Variants in SSBP3 observed in about 807,000 individuals in gnomAD.
SSBP3 encodes the protein single stranded DNA binding protein 3, also known as single-stranded DNA-binding protein 3.
A neutral mutation model predicts 69.6 loss-of-function variants in SSBP3; 5 were observed. The ratio of observed to expected loss-of-function variants is 0.07; its 90% CI spans 0.04 to 0.15. The LOEUF is 0.15. Ranked by LOEUF, SSBP3 falls within the 10% of genes least tolerant of loss-of-function variation. The pLI, the probability that SSBP3 is intolerant of heterozygous loss-of-function variation, is 1.00. For synonymous variants in SSBP3, 196 were observed against 193.4 expected, an observed-to-expected ratio of 1.01 and a Z score of -0.11; for missense variants, 312 against 534.0, an observed-to-expected ratio of 0.58 and a Z score of 4.10.
chr1:54,301,188 C>A (rs1268558255), intron 4 of SSBP3, among the ~76,000 whole-genome samples: 2 of 152,220 alleles, frequency 1.3e-5, no homozygotes, highest in Admixed American at 6.5e-5. Context: ...TACCACATCA[C>A]AATGCCCATA....
intron 4 of SSBP3, among the ~76,000 whole-genome samples, chr1:54,331,746 C>T (rs1458107469): frequency 1.3e-5 from 2 of 152,228 alleles, no homozygotes; most frequent in Non-Finnish European, 2.9e-5. Context: ...TCTGTGCCCC[C>T]AGCATTGGTG....
At chr1:54,342,393 G>A (rs1344653706) in intron 4 of SSBP3, among the ~76,000 whole-genome samples, 1 of 152,232 alleles carries the variant, frequency 6.6e-6, no homozygotes, top group African/African-American at 2.4e-5. Flanking sequence ...GGAGGAGATG[G>A]GTGGATCAAT....
chr1:54,233,107 C>A (rs1274369742), intron 14 of SSBP3, among the ~76,000 whole-genome samples: 2 of 151,372 alleles, frequency 1.3e-5, no homozygotes, highest in Non-Finnish European at 2.9e-5. Flanking sequence ...GCGTCTCCGC[C>A]CGGCCGCCAT....
At chr1:54,322,187 G>A (rs1646225171) in intron 4 of SSBP3, among the ~76,000 whole-genome samples, 1 of 152,152 alleles carries the variant, frequency 6.6e-6, no homozygotes. Context: ...CTGGCTGCTG[G>A]GACAGGCTGA....
chr1:54,355,154 C>T (rs1003910585), intron 4 of SSBP3, among the ~76,000 whole-genome samples: 3 of 152,222 alleles, frequency 2.0e-5, no homozygotes, highest in Admixed American at 1.3e-4. Flanking sequence ...CCACATGCGG[C>T]GTCCAACAAA....
At chr1:54,331,528 C>T (rs940093172) in intron 4 of SSBP3, among the ~76,000 whole-genome samples, 4 of 152,226 alleles carry the variant, frequency 2.6e-5, no homozygotes, top group Non-Finnish European at 5.9e-5. Flanking sequence ...TCTCCCTCCA[C>T]ACCACACCTG....
chr1:54,298,930 A>ACACACACACACACAC (rs1553134029), intron 4 of SSBP3, among the ~76,000 whole-genome samples: 1 of 137,174 alleles, frequency 7.3e-6, no homozygotes, highest in Non-Finnish European at 1.6e-5. Flanking sequence ...ACAAAAACAA[A>ACACACACACACACAC]ACACACACAC....
chr1:54,292,717 G>A (rs1645630688), intron 4 of SSBP3, among the ~76,000 whole-genome samples: 1 of 152,174 alleles, frequency 6.6e-6, no homozygotes, highest in African/African-American at 2.4e-5. Context: ...GCAAGGGAAT[G>A]CTAATGCCTC....
intron 5 of SSBP3, among the ~76,000 whole-genome samples, chr1:54,279,792 T>C (rs1256064810): frequency 6.6e-6 from 1 of 152,218 alleles, no homozygotes. Flanking sequence ...CGCTGGCCTC[T>C]TGGATTTCCT....
At chr1:54,283,555 G>A (rs1239774842) in intron 4 of SSBP3, among the ~76,000 whole-genome samples, 1 of 152,204 alleles carries the variant, frequency 6.6e-6, no homozygotes, top group Non-Finnish European at 1.5e-5. Flanking sequence ...AGAATGGGCT[G>A]TGTTTTGTAA....
chr1:54,327,222 A>AAGGAAGGG (rs1646323035), intron 4 of SSBP3, among the ~76,000 whole-genome samples: 1 of 60,958 alleles, frequency 1.6e-5, no homozygotes, highest in African/African-American at 5.2e-5. Context: ...AGGGAAAAGG[A>AAGGAAGGG]AGGAAGGAAG....
In SSBP3 at chr1:54,240,892, C is replaced by A. The variant is rs1202323258; in HGVS notation, c.856+13G>T. 6.2e-7 allele frequency: 1 copy of A among 1,613,110 alleles called. No individual in the cohort carries two copies. Among genetic ancestry groups the A allele is most frequent in the African/African-American group, 1.3e-5 (1 of 74,978 alleles). ...ACCACCAGACCCCCCACTTTCCCCT[C>A]AAGCGCTCTTACCTGCGGGACTGGG... On this transcript the variant is annotated intron_variant, in intron 13 of 17. Coordinates refer to ENST00000610401, the Ensembl canonical transcript of SSBP3.
chr1:54,233,538 G>GA (rs1644425743), intron 14 of SSBP3, among the ~76,000 whole-genome samples: 1 of 145,728 alleles, frequency 6.9e-6, no homozygotes, highest in African/African-American at 2.5e-5. Flanking sequence ...GAGGGAGGTG[G>GA]GGGGGGTAAG....
chr1:54,358,491 C>G (rs527853163), intron 4 of SSBP3, among the ~76,000 whole-genome samples: 2 of 152,338 alleles, frequency 1.3e-5, no homozygotes, highest in Admixed American at 1.3e-4. Flanking sequence ...TGCTAAACTA[C>G]AGACCATTTC....
intron 5 of SSBP3, among the ~76,000 whole-genome samples, chr1:54,273,858 G>A (rs940672808): frequency 1.3e-5 from 2 of 152,242 alleles, no homozygotes; most frequent in African/African-American, 4.8e-5. Flanking sequence ...AGTCAGTTTG[G>A]AACAGGTGGG....
Position 54,401,965 on chromosome 1 carries a change from A to C in SSBP3, c.192-20T>G. ...AATACACTGCGAGGAGGAAAATAAAATAAGGTCAGGTTACTAATTATTACT... is the reference window on the plus strand; with the variant it reads ...AATACACTGCGAGGAGGAAAATAAACTAAGGTCAGGTTACTAATTATTACT... On this transcript the variant is annotated intron_variant, in intron 3 of 17. Transcript: ENST00000610401. 1 of 1,607,328 alleles carries C rather than the reference A, an allele frequency of 6.2e-7. No homozygotes were observed. Among genetic ancestry groups the C allele is most frequent in the African/African-American group, 1.3e-5 (1 of 74,934 alleles).
intron 9 of SSBP3, among the ~76,000 whole-genome samples, chr1:54,245,226 CTT>C (rs1274381568): frequency 3.3e-5 from 5 of 152,330 alleles, no homozygotes; most frequent in South Asian, 2.1e-4. Context: ...TGTACAGTCT[CTT>C]GTTTGATCTG....
At position 54,253,176 on chromosome 1, in the gene SSBP3, T is replaced by A. The variant is rs572398741; in HGVS notation, c.508-1316A>T. Among the ~76,000 whole-genome samples the A allele has an allele frequency of 6.4e-4, 95 of 149,310 alleles. 1 individual carries two copies. The East Asian group carries it at 0.017, about 27-fold the overall frequency. ...AAGTAGAATTGGTATTTGTTTTTGT[T>A]TTTTTTTTAGTTTTTGTTTTTTTTT... On this transcript the variant is annotated intron_variant, in intron 7 of 17. Coordinates refer to ENST00000610401, the Ensembl canonical transcript of SSBP3.
At chr1:54,298,943 A>ACACACACACACACACACACG (rs1645751217) in intron 4 of SSBP3, among the ~76,000 whole-genome samples, 1 of 151,760 alleles carries the variant, frequency 6.6e-6, no homozygotes, top group African/African-American at 2.4e-5. Context: ...ACACACACAC[A>ACACACACACACACACACACG]CACACACACA....
Sources: allele counts gnomAD v4.1 joint callset (sites outside exome capture counted in the v4.1 genomes callset), GRCh38; gene constraint gnomAD v4.1.1; transcripts MANE v1.5; gene names NCBI Gene and HGNC (gene_info 2026-07-23, HGNC 2026-07-21).